PTPRN2: variants seen among roughly 807,000 people sequenced by gnomAD.
The protein encoded by PTPRN2 is protein tyrosine phosphatase receptor type N2, also known as receptor-type tyrosine-protein phosphatase N2.
In PTPRN2, 74 loss-of-function variants were observed where a neutral mutation model predicts 118.8. The ratio of observed to expected loss-of-function variants is 0.62; its 90% CI spans 0.52 to 0.76. PTPRN2 has a LOEUF of 0.76. Among genes scored for constraint, PTPRN2 ranks in the 30% least tolerant of loss-of-function variants. The pLI is 0.00. For missense variants in PTPRN2, 1,481 were observed against 1,394.4 expected, an observed-to-expected ratio of 1.06 and a Z score of -0.99; for synonymous variants, 641 against 608.0, an observed-to-expected ratio of 1.05 and a Z score of -0.80.
chr7:157,669,925 T>C (rs1392128361), intron 13 of PTPRN2, among the ~76,000 whole-genome samples: 2 of 152,028 alleles, frequency 1.3e-5, no homozygotes, highest in Non-Finnish European at 2.9e-5. Context: ...CCTCCCACAC[T>C]CAAGAGCAGA....
At position 158,192,526 on chromosome 7, in the gene PTPRN2, C is replaced by T. The variant is rs143377636; in HGVS notation, c.381-31G>A. On this transcript the variant is annotated intron_variant, in intron 4 of 22. Transcript: ENST00000389418. ...AAAGCAAAAGAAACCAGACATCAAC[C>T]GCATGTTTGCTGGTGCCTGGAGCTG... is the stretch of plus-strand genomic sequence containing the variant. 1,976 of 1,559,496 alleles carry T rather than the reference C, an allele frequency of 1.3e-3. 20 individuals carry two copies. The African/African-American group carries it at 0.023, about 18-fold the overall frequency.
intron 2 of PTPRN2, among the ~76,000 whole-genome samples, chr7:158,404,355 C>CTG (rs1813188538): frequency 6.6e-6 from 1 of 152,162 alleles, no homozygotes; most frequent in South Asian, 2.1e-4. Context: ...GACAGAGATT[C>CTG]TGTGTGTGCC....
chr7:157,807,585 C>T (rs979904824), intron 12 of PTPRN2, among the ~76,000 whole-genome samples: 2 of 152,244 alleles, frequency 1.3e-5, no homozygotes, highest in Admixed American at 1.3e-4. Context: ...GGGACTGCTC[C>T]TATTTCTACT....
intron 12 of PTPRN2, among the ~76,000 whole-genome samples, chr7:157,885,693 C>T (rs954718951): frequency 7.2e-5 from 11 of 152,192 alleles, no homozygotes; most frequent in African/African-American, 1.9e-4. Context: ...ATACCAGGTG[C>T]GAATGTGCTA....
chr7:158,475,034 C>T (rs935444884), intron 2 of PTPRN2, among the ~76,000 whole-genome samples: 11 of 152,190 alleles, frequency 7.2e-5, no homozygotes, highest in African/African-American at 1.7e-4. Flanking sequence ...CAGATGCTGG[C>T]GAGGGAGGAA....
intron 10 of PTPRN2, among the ~76,000 whole-genome samples, chr7:158,102,985 G>A (rs1815366888): frequency 6.6e-6 from 1 of 152,184 alleles, no homozygotes; most frequent in African/African-American, 2.4e-5. Context: ...GACAGGAGCT[G>A]GGGCATCAGT....
chr7:157,943,625 C>T (rs1316380607), intron 11 of PTPRN2, among the ~76,000 whole-genome samples: 3 of 151,562 alleles, frequency 2.0e-5, no homozygotes, highest in Admixed American at 6.6e-5. Context: ...AATGCTGAAA[C>T]CCCCTCCCAA....
chr7:158,122,248 T>C (rs975581192), intron 9 of PTPRN2, among the ~76,000 whole-genome samples: 3 of 152,192 alleles, frequency 2.0e-5, no homozygotes, highest in Non-Finnish European at 4.4e-5. Context: ...CTTTCAGTTC[T>C]GAAGGACAGT....
chr7:157,725,210 G>C (rs1340814332), intron 12 of PTPRN2, among the ~76,000 whole-genome samples: 1 of 137,044 alleles, frequency 7.3e-6, no homozygotes, highest in African/African-American at 2.9e-5. Context: ...AGAGGACTGC[G>C]GCCAGACCCT....
chr7:157,832,277 G>A (rs942672576), intron 12 of PTPRN2, among the ~76,000 whole-genome samples: 4 of 152,162 alleles, frequency 2.6e-5, no homozygotes, highest in Non-Finnish European at 4.4e-5. Context: ...GATCAGAGGC[G>A]GCTGCATTCT....
At chr7:157,922,863 C>T (rs1798763643) in intron 11 of PTPRN2, among the ~76,000 whole-genome samples, 1 of 152,226 alleles carries the variant, frequency 6.6e-6, no homozygotes, top group South Asian at 2.1e-4. Context: ...TTACAAAAAC[C>T]TATTTGCTGT....
intron 2 of PTPRN2, among the ~76,000 whole-genome samples, chr7:158,385,494 C>G (rs746128611): frequency 6.6e-6 from 1 of 152,172 alleles, no homozygotes; most frequent in African/African-American, 2.4e-5. Flanking sequence ...GAAGTTTGGG[C>G]ATCCATGAAA....
intron 2 of PTPRN2, among the ~76,000 whole-genome samples, chr7:158,455,712 T>G (rs374412633): frequency 4.8e-5 from 5 of 105,220 alleles, no homozygotes; most frequent in Admixed American, 1.9e-4. Flanking sequence ...GACAACGGCA[T>G]GGACGCCATC....
At chr7:158,250,991 G>C (rs1477505952) in intron 3 of PTPRN2, among the ~76,000 whole-genome samples, 1 of 151,834 alleles carries the variant, frequency 6.6e-6, no homozygotes, top group African/African-American at 2.4e-5. Flanking sequence ...ATTGTAACAA[G>C]TACGGAAGTT....
At chr7:157,696,793 A>G (rs373265582) in intron 12 of PTPRN2, among the ~76,000 whole-genome samples, 585 of 91,060 alleles carry the variant, frequency 6.4e-3, no homozygotes, top group Middle Eastern at 7.8e-3. Context: ...TGCATACTGG[A>G]TCTTGGCAGA....
chr7:157,890,285 T>C (rs1796723469), intron 12 of PTPRN2, among the ~76,000 whole-genome samples: 1 of 152,218 alleles, frequency 6.6e-6, no homozygotes, highest in Admixed American at 6.5e-5. Flanking sequence ...TTTTATCACA[T>C]TTGGTCTTTA....
At chr7:158,176,990 G>A (rs1824264297) in intron 5 of PTPRN2, among the ~76,000 whole-genome samples, 1 of 152,190 alleles carries the variant, frequency 6.6e-6, no homozygotes, top group Admixed American at 6.5e-5. Flanking sequence ...AACAGGGATA[G>A]GGGAAGGTGG....
chr7:158,420,647 T>C (rs919119061), intron 2 of PTPRN2, among the ~76,000 whole-genome samples: 2 of 152,244 alleles, frequency 1.3e-5, no homozygotes, highest in African/African-American at 4.8e-5. Flanking sequence ...CAAGCTGTCA[T>C]GGCTGTGAGC....
chr7:158,127,452 C>T (rs975063562), intron 9 of PTPRN2, among the ~76,000 whole-genome samples: 1 of 152,136 alleles, frequency 6.6e-6, no homozygotes, highest in East Asian at 1.9e-4. Flanking sequence ...AGCACAGGGG[C>T]GTTTGCCACA....
Sources: gnomAD v4.1 joint callset for allele counts (sites outside exome capture counted in the v4.1 genomes callset) on GRCh38, gnomAD v4.1.1 for gene constraint, MANE v1.5 for transcripts, NCBI Gene and HGNC (gene_info 2026-07-23, HGNC 2026-07-21) for gene names.